CCDC171: variants seen among roughly 807,000 people sequenced by gnomAD.
CCDC171 encodes the protein coiled-coil domain containing 171, also known as coiled-coil domain-containing protein 171.
A neutral mutation model predicts 168.2 loss-of-function variants in CCDC171; 177 were observed. The ratio of observed to expected loss-of-function variants is 1.05; its 90% confidence interval spans 0.93 to 1.19. The LOEUF is 1.19. Ranked by LOEUF, CCDC171 falls within the 50% of genes most tolerant of loss-of-function variation. The probability of loss-of-function intolerance (pLI) is 0.00; values close to 1 mark genes in which losing one functional copy is unlikely to be tolerated. For synonymous variants in CCDC171, 687 were observed against 540.8 expected, an observed-to-expected ratio of 1.27 and a Z score of -3.75; for missense variants, 1,991 against 1,539.0, an observed-to-expected ratio of 1.29 and a Z score of -4.91.
intron 24 of CCDC171, among the ~76,000 whole-genome samples, chr9:15,887,224 C>A (rs1276282410): frequency 1.3e-5 from 2 of 152,010 alleles, no homozygotes; most frequent in Admixed American, 6.6e-5. Context: ...CACATTATAT[C>A]CCTTAAATAT....
At chr9:15,866,987 C>G (rs529836308) in intron 23 of CCDC171, among the ~76,000 whole-genome samples, 6 of 152,082 alleles carry the variant, frequency 3.9e-5, no homozygotes, top group African/African-American at 1.4e-4. Flanking sequence ...ATATGGTCAC[C>G]TGCTTTGTTT....
At position 15,777,825 on chromosome 9, in the gene CCDC171, C is replaced by T. The variant is rs141258483; in HGVS notation, c.2897C>T (p.Thr966Met). The T allele has an allele frequency of 2.3e-4, 372 of 1,595,306 alleles. 1 individual carries two copies. Among genetic ancestry groups the T allele is most frequent in the Non-Finnish European group, 2.9e-4 (334 of 1,171,642 alleles). ...GGTTTGCGTGGCCATGTGCCCATTA[C>T]GGTATGTATACACTTTCATTTAGTA... ...KYGLRGHVPI[T>M]KSTASLQKQI... Residue 966 changes from threonine to methionine, a missense_variant and splice_region_variant, in exon 19 of 26, where the codon ACG becomes ATG. Coordinates refer to ENST00000380701, the MANE Select transcript of CCDC171 (RefSeq NM_173550.4).
At chr9:15,960,709 G>A (rs1830253893) in intron 25 of CCDC171, among the ~76,000 whole-genome samples, 1 of 152,148 alleles carries the variant, frequency 6.6e-6, no homozygotes, top group African/African-American at 2.4e-5. Flanking sequence ...AGTGCTTGTT[G>A]TGATTTGAAG....
At chr9:15,887,972 C>T (rs1038953887) in intron 24 of CCDC171, 1 of 152,180 alleles carries the variant, frequency 6.6e-6, no homozygotes, top group African/African-American at 2.4e-5. Flanking sequence ...TGAGAGAGGG[C>T]CCTCAAGAGG....
chr9:15,592,945 C>T lies in CCDC171; in HGVS notation c.544-1096C>T, dbSNP rs2042096583. On this transcript the variant is annotated intron_variant, in intron 5 of 25. Transcript: ENST00000380701. ...TGTGCAGGTTAGTTACATATGTATA[C>T]ATGTGCCATGCTGGTGTGCTGCACC... 2.6e-5 allele frequency among the ~76,000 whole-genome samples: 4 copies of T among 151,764 alleles called. No individual in the cohort carries two copies. In the South Asian group the frequency reaches 8.3e-4, roughly 32 times the overall value.
chr9:15,957,640 A>G (rs1829933667), intron 25 of CCDC171, among the ~76,000 whole-genome samples: 1 of 152,218 alleles, frequency 6.6e-6, no homozygotes. Context: ...GGTTTACATC[A>G]AACAATTAGA....
chr9:15,810,735 C>G (rs1057141387), intron 21 of CCDC171, among the ~76,000 whole-genome samples: 5 of 152,316 alleles, frequency 3.3e-5, no homozygotes, highest in Admixed American at 1.3e-4. Context: ...CCGGAACTCG[C>G]GCTGCCCTGT....
At chr9:15,963,744 T>C (rs1222965256) in intron 25 of CCDC171, among the ~76,000 whole-genome samples, 1 of 152,192 alleles carries the variant, frequency 6.6e-6, no homozygotes, top group Non-Finnish European at 1.5e-5. Context: ...ATCTAATCTG[T>C]ACATGAGGCA....
intron 1 of CCDC171, among the ~76,000 whole-genome samples, chr9:15,556,845 A>C (rs13301743): frequency 1.1e-4 from 16 of 151,808 alleles, no homozygotes; most frequent in East Asian, 7.7e-4. Flanking sequence ...TATTGCCTAG[A>C]TTTTCTTCTA....
chr9:15,867,724 TTTAGC>T (rs945789227), intron 23 of CCDC171, among the ~76,000 whole-genome samples: 60 of 58,350 alleles, frequency 1.0e-3, no homozygotes, highest in Non-Finnish European at 2.7e-3. Flanking sequence ...CTTAGCAGTT[TTTAGC>T]TTAAACACAT....
intron 2 of CCDC171, among the ~76,000 whole-genome samples, chr9:15,568,111 T>C (rs1317775627): frequency 6.6e-6 from 1 of 152,090 alleles, no homozygotes; most frequent in Non-Finnish European, 1.5e-5. Flanking sequence ...GAAATTGATT[T>C]TAGTTCTAGT....
At chr9:15,566,734 T>A (rs2039764601) in intron 2 of CCDC171, among the ~76,000 whole-genome samples, 1 of 152,210 alleles carries the variant, frequency 6.6e-6, no homozygotes, top group Admixed American at 6.5e-5. Flanking sequence ...GTTTTGTATA[T>A]AAGAAATCTC....
chr9:15,721,705 A>G (rs921546499), intron 11 of CCDC171, 64 bp from the exon 12 acceptor site: 7 of 789,170 alleles, frequency 8.9e-6, no homozygotes, highest in Admixed American at 2.8e-5. Flanking sequence ...CTCTGTTACT[A>G]TTTGCCTAAG....
chr9:16,006,194 C>G (rs1419988859), intron 3 of CCDC171, among the ~76,000 whole-genome samples: 2 of 152,112 alleles, frequency 1.3e-5, no homozygotes, highest in Non-Finnish European at 2.9e-5. Flanking sequence ...AAAAGTAACT[C>G]CACCATTTTA....
chr9:15,614,546 A>G lies in CCDC171; in HGVS notation c.676-8721A>G, dbSNP rs58920138. ...TTAGATTCAGATAATTTTTGCCAGC[A>G]TTCTTGTTGCTTTTACGAAGGAAAG... On this transcript the variant is annotated intron_variant, in intron 6 of 25. Transcript: ENST00000380701. Among the ~76,000 whole-genome samples the G allele has an allele frequency of 6.3e-3, 956 of 152,308 alleles. 8 individuals carry two copies. The highest frequency in any genetic ancestry group is 0.022 in the African/African-American group (929 of 41,568).
At chr9:15,596,892 A>T (rs1414750680) in intron 6 of CCDC171, among the ~76,000 whole-genome samples, 4 of 152,064 alleles carry the variant, frequency 2.6e-5, no homozygotes, top group Non-Finnish European at 5.9e-5. Flanking sequence ...TAGGTATTTT[A>T]TTCTCTTTGA....
At chr9:15,815,713 C>T (rs2059540753) in intron 21 of CCDC171, among the ~76,000 whole-genome samples, 1 of 116,512 alleles carries the variant, frequency 8.6e-6, no homozygotes, top group Admixed American at 8.1e-5. Context: ...ATGTAAAGAT[C>T]TCTTAGTTGC....
intron 6 of CCDC171, among the ~76,000 whole-genome samples, chr9:15,621,317 A>G (rs908982125): frequency 2.0e-5 from 3 of 152,192 alleles, no homozygotes; most frequent in African/African-American, 7.2e-5. Context: ...ATATAATGCT[A>G]TTGCACACTT....
intron 24 of CCDC171, chr9:15,886,131 TG>T (rs1819365992): frequency 1.3e-5 from 2 of 151,914 alleles, no homozygotes; most frequent in African/African-American, 4.8e-5. Flanking sequence ...CAACTCAAAA[TG>T]GAGTACACAA....
Sources: allele counts gnomAD v4.1 joint callset (sites outside exome capture counted in the v4.1 genomes callset), GRCh38; gene constraint gnomAD v4.1.1; transcripts MANE v1.5; gene names NCBI Gene and HGNC (gene_info 2026-07-23, HGNC 2026-07-21).